RBFOX3: variants seen among roughly 807,000 people sequenced by gnomAD.
RBFOX3 encodes the protein RNA binding protein fox-1 homolog 3.
Under a neutral mutation model 48.7 loss-of-function variants are expected in RBFOX3, and 17 were observed. The observed-to-expected ratio is 0.35, with a 90% CI of 0.24 to 0.52. The LOEUF (loss-of-function observed/expected upper bound fraction) is 0.52, where lower values mean the gene tolerates loss of function less well. Ranked by LOEUF, RBFOX3 falls within the 20% of genes least tolerant of loss-of-function variation. RBFOX3 has a pLI of 0.94. For missense variants in RBFOX3, 382 were observed against 497.5 expected (o/e 0.77, Z 2.21); for synonymous variants, 212 against 209.5 (o/e 1.01, Z -0.10).
Position 79,249,033 on chromosome 17 carries a change from G to C in RBFOX3, c.-73-13228C>G, listed in dbSNP as rs150748177. Reference sequence around the variant, plus strand: ...CGGCTGGGATGCGGTGCGGTCTTCCGCCAGCGGGGCCAGAACCCAGAGCGA... The same window carrying C: ...CGGCTGGGATGCGGTGCGGTCTTCCCCCAGCGGGGCCAGAACCCAGAGCGA... On this transcript the variant is annotated intron_variant, in intron 3 of 14. Transcript: ENST00000693108. This position sits in a 1 kb window ranked among gnomAD's most constrained non-coding sequence, Gnocchi z 4.1. 6.6e-6 allele frequency among the ~76,000 whole-genome samples: 1 copy of C among 152,192 alleles called. No homozygotes were observed. The highest frequency in any genetic ancestry group is 1.5e-5 in the Non-Finnish European group (1 of 68,030).
chr17:79,147,476 C>T (rs768113399), intron 4 of RBFOX3, among the ~76,000 whole-genome samples: 5 of 152,218 alleles, frequency 3.3e-5, no homozygotes, highest in East Asian at 1.9e-4. Flanking sequence ...CCATGCTGTG[C>T]GCCAGAAGAG....
chr17:79,148,318 A>G (rs1238165977), intron 4 of RBFOX3, among the ~76,000 whole-genome samples: 1 of 152,210 alleles, frequency 6.6e-6, no homozygotes, highest in African/African-American at 2.4e-5. Flanking sequence ...CCTCACTCAG[A>G]AACTCTTTCC....
chr17:79,398,921 C>T (rs1375717745), intron 2 of RBFOX3, among the ~76,000 whole-genome samples: 3 of 152,274 alleles, frequency 2.0e-5, no homozygotes, highest in Non-Finnish European at 4.4e-5. Flanking sequence ...ACAGAGCCTT[C>T]GCCGATGTAA....
intron 2 of RBFOX3, among the ~76,000 whole-genome samples, chr17:79,432,266 C>T (rs1288426399): frequency 6.6e-6 from 1 of 152,218 alleles, no homozygotes; most frequent in African/African-American, 2.4e-5. Context: ...CGAGTGTGCA[C>T]ATGTCTCGTC....
intron 4 of RBFOX3, among the ~76,000 whole-genome samples, chr17:79,211,573 T>A (rs184416223): frequency 2.0e-5 from 3 of 152,298 alleles, no homozygotes; most frequent in Non-Finnish European, 4.4e-5. Flanking sequence ...GCCAGCAGCC[T>A]GGGAGAGCCC....
intron 2 of RBFOX3, among the ~76,000 whole-genome samples, chr17:79,316,088 G>C (rs2145848264): frequency 6.6e-6 from 1 of 152,284 alleles, no homozygotes; most frequent in Non-Finnish European, 1.5e-5. Context: ...CCACTGAGCA[G>C]GCTGGGAGCA....
intron 3 of RBFOX3, among the ~76,000 whole-genome samples, chr17:79,256,848 G>A (rs750604008): frequency 6.6e-6 from 1 of 152,196 alleles, no homozygotes; most frequent in Middle Eastern, 3.4e-3. Flanking sequence ...CTTGAACCTG[G>A]GAGGTGGAGG....
chr17:79,561,892 G>T (rs983639682), intron 1 of RBFOX3, among the ~76,000 whole-genome samples: 2 of 152,178 alleles, frequency 1.3e-5, no homozygotes, highest in Non-Finnish European at 1.5e-5. Flanking sequence ...TGGCATCAGG[G>T]GGAGGGACAT....
In RBFOX3 at chr17:79,473,467, A is replaced by C. The variant is rs2077298115; in HGVS notation, c.-175+8987T>G. Among the ~76,000 whole-genome samples, 1 of 152,238 alleles carries C rather than the reference A, an allele frequency of 6.6e-6. No individual in the cohort carries two copies. Among genetic ancestry groups the C allele is most frequent in the African/African-American group, 2.4e-5 (1 of 41,468 alleles). On this transcript the variant is annotated intron_variant, in intron 2 of 14. Coordinates refer to ENST00000693108, the MANE Select transcript of RBFOX3 (RefSeq NM_001350451.2). The surrounding 1 kb of genome is among the most constrained non-coding windows in gnomAD (Gnocchi z 4.2). Reference sequence around the variant, plus strand: ...GATAACCTGCTCACATGTGTCATTCAGGGACGTCAGCCTGATGGATTTCCA... The same window carrying C: ...GATAACCTGCTCACATGTGTCATTCCGGGACGTCAGCCTGATGGATTTCCA...
the RBFOX3 span, among the ~76,000 whole-genome samples, chr17:79,639,072 T>C: frequency 1.3e-5 from 2 of 152,220 alleles, no homozygotes; most frequent in African/African-American, 2.4e-5. Context: ...AGTTGAATTA[T>C]ATGGAACAAT....
intron 3 of RBFOX3, among the ~76,000 whole-genome samples, chr17:79,284,744 T>G (rs1006221500): frequency 6.6e-6 from 1 of 152,110 alleles, no homozygotes; most frequent in African/African-American, 2.4e-5. Context: ...TTCACTATGT[T>G]GTCCAGGCTG....
At chr17:79,438,656 G>T (rs1208400571) in intron 2 of RBFOX3, among the ~76,000 whole-genome samples, 1 of 152,234 alleles carries the variant, frequency 6.6e-6, no homozygotes, top group South Asian at 2.1e-4. Context: ...TCAGGGGCTG[G>T]CTGGGGGTCT....
At chr17:79,221,129 G>A (rs1213755040) in intron 4 of RBFOX3, among the ~76,000 whole-genome samples, 1 of 152,212 alleles carries the variant, frequency 6.6e-6, no homozygotes. Flanking sequence ...CCGGCTGAGC[G>A]CTGTTGACAG....
At chr17:79,240,862 C>T (rs1470251190) in intron 3 of RBFOX3, among the ~76,000 whole-genome samples, 1 of 152,140 alleles carries the variant, frequency 6.6e-6, no homozygotes, top group Admixed American at 6.5e-5. Context: ...GATGGGGTTT[C>T]ACCATGTTAG....
intron 2 of RBFOX3, among the ~76,000 whole-genome samples, chr17:79,357,365 C>T (rs1380333350): frequency 2.0e-5 from 3 of 152,254 alleles, no homozygotes; most frequent in African/African-American, 7.2e-5. Flanking sequence ...CTGTGGTTCA[C>T]GCCTGTAATC....
At chr17:79,500,661 C>G (rs928963952) in intron 1 of RBFOX3, among the ~76,000 whole-genome samples, 2 of 152,116 alleles carry the variant, frequency 1.3e-5, no homozygotes, top group Non-Finnish European at 2.9e-5. Flanking sequence ...CTCCTTTTCC[C>G]GTATCAAAAG....
chr17:79,544,783 A>G (rs942288498), intron 1 of RBFOX3, among the ~76,000 whole-genome samples: 1 of 151,844 alleles, frequency 6.6e-6, no homozygotes, highest in African/African-American at 2.4e-5. Context: ...CCTCCTGAGC[A>G]GCACCGCCCT....
chr17:79,501,543 C>A lies in RBFOX3; in HGVS notation c.-319-18945G>T, dbSNP rs939543733. Among the ~76,000 whole-genome samples the A allele has an allele frequency of 3.9e-5, 6 of 152,222 alleles. No homozygotes were observed. The South Asian group carries it at 6.2e-4, about 16-fold the overall frequency. Reference sequence around the variant, plus strand: ...TCATTATGACAGCCACAGGTTTGAACCTGCAAGAGCCGAGGGGCTAAGGAT... The same window carrying A: ...TCATTATGACAGCCACAGGTTTGAAACTGCAAGAGCCGAGGGGCTAAGGAT... On this transcript the variant is annotated intron_variant, in intron 1 of 14. Transcript: ENST00000693108.
At chr17:79,579,429 C>G (rs1311836927) in intron 1 of RBFOX3, among the ~76,000 whole-genome samples, 2 of 152,320 alleles carry the variant, frequency 1.3e-5, no homozygotes, top group African/African-American at 4.8e-5. Context: ...GGTCATTTTC[C>G]TTGGATACTC....
Sources: allele counts gnomAD v4.1 joint callset (sites outside exome capture counted in the v4.1 genomes callset), GRCh38; gene constraint gnomAD v4.1.1; non-coding constraint Gnocchi (gnomAD v3.1); transcripts MANE v1.5; gene names NCBI Gene and HGNC (gene_info 2026-07-23, HGNC 2026-07-21).